Variants in ZNF365 observed in about 807,000 individuals in gnomAD.
The protein encoded by ZNF365 is zinc finger protein 365.
Under a neutral mutation model 35.0 loss-of-function variants are expected in ZNF365, and 22 were observed. That is an observed-to-expected ratio of 0.63 (90% CI 0.45 to 0.90). The LOEUF (loss-of-function observed/expected upper bound fraction) is 0.90, where lower values mean the gene tolerates loss of function less well. ZNF365 is among the 40% of genes least tolerant of loss of function. The pLI, the probability that ZNF365 is intolerant of heterozygous loss-of-function variation, is 0.00. For synonymous variants in ZNF365, 188 were observed against 196.2 expected (o/e 0.96, Z 0.35); for missense variants, 448 against 500.3 (o/e 0.90, Z 1.00).
chr10:62,376,979 C>A, intron 2 of ZNF365, 43 bp downstream of exon 2: 1 of 1,573,804 alleles, frequency 6.4e-7, no homozygotes, highest in South Asian at 1.2e-5. Context: ...TTGCTTTAAG[C>A]AGCACCCCAA....
In ZNF365 at chr10:62,376,839, C is replaced by A. The variant is rs779148649; in HGVS notation, c.646C>A (p.Arg216=). The A allele has an allele frequency of 6.2e-7, 1 of 1,614,130 alleles. No homozygotes were observed. Among genetic ancestry groups the A allele is most frequent in the East Asian group, 2.2e-5 (1 of 44,884 alleles). ...QKKQEVQRRE[R]ALNRQVDVAV... is the part of the protein sequence containing the mutation. ...AAAGCAGGAAGTTCAGAGACGAGAG[C>A]GGGCCTTAAACAGACAGGTGGACGT... Residue 216 remains arginine, a synonymous_variant, in exon 2 of 5, where the codon CGG becomes AGG. Transcript: ENST00000395254.
intron 3 of ZNF365, among the ~76,000 whole-genome samples, chr10:62,434,476 C>T (rs551657438): frequency 6.6e-6 from 1 of 152,034 alleles, no homozygotes; most frequent in African/African-American, 2.4e-5. Context: ...TTAGGAAGGG[C>T]CTGAACAATT....
At position 62,399,797 on chromosome 10, in the gene ZNF365, G is replaced by T. The variant is rs1253753370; in HGVS notation, c.*8G>T. On this transcript the variant is annotated 3_prime_UTR_variant, in exon 5 of 5. Transcript: ENST00000395254. ...ATTGTGAACATCATCTAAAAGGGTG[G>T]GTGGTGCTGGACCAATCATCGCTGG... 1 of 1,609,668 alleles carries T rather than the reference G, an allele frequency of 6.2e-7. No individual in the cohort carries two copies. The highest frequency in any genetic ancestry group is 1.3e-5 in the African/African-American group (1 of 74,718).
intron 3 of ZNF365, among the ~76,000 whole-genome samples, chr10:62,395,120 T>C (rs770670601): frequency 4.6e-5 from 7 of 152,200 alleles, no homozygotes; most frequent in Admixed American, 1.3e-4. Flanking sequence ...CTGGGCTCTC[T>C]GTATCTTCAC....
At chr10:62,425,422 C>A (rs1426390620) in intron 3 of ZNF365, among the ~76,000 whole-genome samples, 1 of 152,138 alleles carries the variant, frequency 6.6e-6, no homozygotes, top group East Asian at 1.9e-4. Flanking sequence ...GGGATGATTT[C>A]TTTAACATGT....
At chr10:62,457,320 C>T (rs546233777) in intron 3 of ZNF365, among the ~76,000 whole-genome samples, 47 of 152,306 alleles carry the variant, frequency 3.1e-4, no homozygotes, top group African/African-American at 9.4e-4. Flanking sequence ...TATTTCTGCA[C>T]AATAATTTTC....
chr10:62,416,527 A>G (rs1840079445), intron 3 of ZNF365, among the ~76,000 whole-genome samples: 1 of 152,138 alleles, frequency 6.6e-6, no homozygotes, highest in African/African-American at 2.4e-5. Context: ...AAAAAAATGG[A>G]TGGATTAAAG....
At chr10:62,453,707 T>G (rs1038874892) in intron 3 of ZNF365, among the ~76,000 whole-genome samples, 8 of 152,224 alleles carry the variant, frequency 5.3e-5, no homozygotes, top group Non-Finnish European at 8.8e-5. Flanking sequence ...TGAGAAACTG[T>G]ACTCTTTGAC....
chr10:62,433,042 C>A (rs1294374912), intron 3 of ZNF365, among the ~76,000 whole-genome samples: 1 of 152,144 alleles, frequency 6.6e-6, no homozygotes, highest in Non-Finnish European at 1.5e-5. Flanking sequence ...CCTAAAAACT[C>A]AGATTATCAG....
At chr10:62,434,663 A>T (rs1043856069) in intron 3 of ZNF365, among the ~76,000 whole-genome samples, 4 of 152,194 alleles carry the variant, frequency 2.6e-5, no homozygotes, top group African/African-American at 9.6e-5. Flanking sequence ...CCTCAGAAGG[A>T]CAGTGAAATA....
Position 62,379,024 on chromosome 10 carries a change from A to ATTTTTT in ZNF365, c.743+2099_743+2104dup, listed in dbSNP as rs35163241. Among the ~76,000 whole-genome samples the ATTTTTT allele has an allele frequency of 4.3e-5, 6 of 138,988 alleles. No individual in the cohort carries two copies. In the Admixed American group the frequency reaches 4.3e-4, roughly 10 times the overall value. 91.2% of individuals were successfully genotyped at this position (138,988 alleles called of 152,430 possible). A position where few individuals can be genotyped will look rare whatever the true frequency, so the allele number is the denominator to read the frequency against. On this transcript the variant is annotated intron_variant, in intron 2 of 4. Coordinates refer to ENST00000395254, the MANE Select transcript of ZNF365 (RefSeq NM_014951.3). ...ATGCCTGAGGATAAATTACGAGTTG[A>ATTTTTT]TTTTTTTTTTTTTTTTGAGACAGAG...
chr10:62,424,496 G>A (rs1011378611), intron 3 of ZNF365, among the ~76,000 whole-genome samples: 3 of 152,080 alleles, frequency 2.0e-5, no homozygotes, highest in African/African-American at 7.2e-5. Context: ...ATTTTCTGTT[G>A]GCCTAGTTCT....
chr10:62,441,811 G>A (rs927488607), intron 3 of ZNF365, among the ~76,000 whole-genome samples: 1 of 152,140 alleles, frequency 6.6e-6, no homozygotes, highest in African/African-American at 2.4e-5. Context: ...TTGAGATACT[G>A]GATATTTCAC....
intron 3 of ZNF365, among the ~76,000 whole-genome samples, chr10:62,437,668 G>A (rs962394177): frequency 6.6e-6 from 1 of 152,078 alleles, no homozygotes; most frequent in Non-Finnish European, 1.5e-5. Flanking sequence ...ATATACGTAC[G>A]TGTGTGTGTG....
intron 3 of ZNF365, among the ~76,000 whole-genome samples, chr10:62,416,352 T>C (rs1018130412): frequency 1.5e-4 from 23 of 152,136 alleles, no homozygotes; most frequent in Non-Finnish European, 3.1e-4. Context: ...GTTAATGTTC[T>C]CCTAACAAAA....
chr10:62,382,462 A>G (rs1381784370), intron 2 of ZNF365, among the ~76,000 whole-genome samples: 1 of 152,222 alleles, frequency 6.6e-6, no homozygotes, highest in Non-Finnish European at 1.5e-5. Flanking sequence ...GGGTTGGCAC[A>G]TGGTAAAATT....
In ZNF365 at chr10:62,399,511, C is replaced by T. The variant is rs369039750; in HGVS notation, c.963-17C>T. ...TCTGCTCATCTCTTCTCCACTCCCC[C>T]CTCCAACCCTCTGTAGAAGCCGAGG... On this transcript the variant is annotated splice_polypyrimidine_tract_variant and intron_variant, in intron 4 of 4. Transcript: ENST00000395254. The T allele has an allele frequency of 1.4e-5, 23 of 1,610,938 alleles. No individual in the cohort carries two copies. Among genetic ancestry groups the T allele is most frequent in the South Asian group, 5.5e-5 (5 of 90,980 alleles).
At chr10:62,421,934 T>C (rs572602843) in intron 3 of ZNF365, among the ~76,000 whole-genome samples, 36 of 152,376 alleles carry the variant, frequency 2.4e-4, no homozygotes, top group African/African-American at 7.9e-4. Flanking sequence ...GTTTTACCAC[T>C]GTATTCTGAA....
chr10:62,379,278 CCTCCCAAA>C (rs1004770830), intron 2 of ZNF365, among the ~76,000 whole-genome samples: 3 of 152,014 alleles, frequency 2.0e-5, no homozygotes, highest in African/African-American at 7.2e-5. Context: ...CTGGTCTTGG[CCTCCCAAA>C]GTGCTGGGAT....
Sources: allele counts gnomAD v4.1 joint callset (sites outside exome capture counted in the v4.1 genomes callset), GRCh38; gene constraint gnomAD v4.1.1; transcripts MANE v1.5; gene names NCBI Gene and HGNC (gene_info 2026-07-23, HGNC 2026-07-21).